The following SLC30A6 variants were observed in gnomAD, a reference collection of about 807,000 sequenced individuals.
The protein encoded by SLC30A6 is zinc transporter 6.
A neutral mutation model predicts 63.0 loss-of-function variants in SLC30A6; 55 were observed. The observed-to-expected ratio is 0.87, with a 90% CI of 0.70 to 1.09. SLC30A6 has a LOEUF of 1.09. Ranked by LOEUF, SLC30A6 falls within the 50% of genes least tolerant of loss-of-function variation. The probability of loss-of-function intolerance (pLI) is 0.00; values close to 1 mark genes in which losing one functional copy is unlikely to be tolerated. For missense variants in SLC30A6, 587 were observed against 549.2 expected (o/e 1.07, Z -0.69); for synonymous variants, 224 against 186.1 (o/e 1.20, Z -1.66).
chr2:32,181,936 T>TTC (rs921954531), intron 4 of SLC30A6, among the ~76,000 whole-genome samples: 6 of 146,406 alleles, frequency 4.1e-5, no homozygotes, highest in African/African-American at 1.5e-4. Context: ...TTCTTTTCTT[T>TTC]TTTTTTTTTT....
At chr2:32,203,145 G>A (rs1427799371) in intron 10 of SLC30A6, 2 of 1,271,668 alleles carry the variant, frequency 1.6e-6, no homozygotes, top group Non-Finnish European at 2.3e-6. Flanking sequence ...CAACGTGGCT[G>A]CCTGTGGTTT....
At chr2:32,210,951 AT>A (rs1685207650) in intron 13 of SLC30A6, among the ~76,000 whole-genome samples, 1 of 152,146 alleles carries the variant, frequency 6.6e-6, no homozygotes, top group Non-Finnish European at 1.5e-5. Flanking sequence ...CAGGTCCAGC[AT>A]GGCCAGTAGG....
At position 32,204,635 on chromosome 2, in the gene SLC30A6, G is replaced by C. The variant is rs911729059; in HGVS notation, c.711G>C (p.Leu237Phe). ...CTGCCTCTGCTATAGCTATTGCCTTGATGACATTTGGCACTATGTATCCCA... is the reference window on the plus strand; with the variant it reads ...CTGCCTCTGCTATAGCTATTGCCTTCATGACATTTGGCACTATGTATCCCA... ...VDTASAIAIA[L>F]MTFGTMYPMS... Residue 237 changes from leucine to phenylalanine, a missense_variant, in exon 11 of 14, where the codon TTG becomes TTC. Transcript: ENST00000282587. 1 of 1,612,750 alleles carries C rather than the reference G, an allele frequency of 6.2e-7. No homozygotes were observed. Among genetic ancestry groups the C allele is most frequent in the Non-Finnish European group, 8.5e-7 (1 of 1,179,310 alleles).
chr2:32,175,304 T>G lies in SLC30A6; in HGVS notation c.176-15T>G, dbSNP rs1453640162. 5.0e-6 allele frequency: 8 copies of G among 1,609,384 alleles called. No homozygotes were observed. The highest frequency in any genetic ancestry group is 6.8e-6 in the Non-Finnish European group (8 of 1,178,228). ...GGTCAGTAATACTTTTAATCATTTT[T>G]TTGTTGTTTTGCAGCTTTAACTGCC... On this transcript the variant is annotated splice_polypyrimidine_tract_variant and intron_variant, in intron 3 of 13. Transcript: ENST00000282587.
intron 1 of SLC30A6, among the ~76,000 whole-genome samples, chr2:32,167,555 C>T (rs1192218516): frequency 6.6e-6 from 1 of 151,936 alleles, no homozygotes; most frequent in Non-Finnish European, 1.5e-5. Flanking sequence ...TCAGAATAAC[C>T]CTTATATATC....
intron 10 of SLC30A6, chr2:32,203,885 G>GC: frequency 1.0e-6 from 1 of 984,934 alleles, no homozygotes; most frequent in South Asian, 1.3e-5. Flanking sequence ...CGATCTGGCA[G>GC]CCGGTCAGTT....
intron 13 of SLC30A6, among the ~76,000 whole-genome samples, chr2:32,215,540 T>C (rs996953582): frequency 6.8e-6 from 1 of 147,474 alleles, no homozygotes; most frequent in African/African-American, 2.5e-5. Flanking sequence ...TTTAAGTTCT[T>C]ATTAGGCAAA....
At position 32,193,933 on chromosome 2, in the gene SLC30A6, T is replaced by C; in HGVS notation, c.446T>C (p.Leu149Pro). ...ACTTTTGTGGCTCTTTGTTTCAACC[T>C]GTTCACGATGCTTTCTATTCGGAAT... is the stretch of plus-strand genomic sequence containing the variant. ...VGTFVALCFN[L>P]FTMLSIRNKP... Residue 149 changes from leucine to proline, a missense_variant, in exon 8 of 14, where the codon CTG (leucine) becomes CCG (proline). Transcript: ENST00000282587. 6.2e-7 allele frequency: 1 copy of C among 1,613,704 alleles called. No individual in the cohort carries two copies. Among genetic ancestry groups the C allele is most frequent in the Non-Finnish European group, 8.5e-7 (1 of 1,179,792 alleles).
intron 13 of SLC30A6, among the ~76,000 whole-genome samples, chr2:32,211,740 C>A (rs1685273255): frequency 6.6e-6 from 1 of 152,134 alleles, no homozygotes; most frequent in African/African-American, 2.4e-5. Flanking sequence ...GCCTCAGCCT[C>A]CCGAGTAGCT....
chr2:32,209,668 T>C (rs1685084822), intron 13 of SLC30A6, 107 bp downstream of exon 13: 3 of 876,494 alleles, frequency 3.4e-6, no homozygotes, highest in South Asian at 1.8e-5. Context: ...CTTTGATTCC[T>C]AGTTATGTTA....
intron 13 of SLC30A6, among the ~76,000 whole-genome samples, chr2:32,219,913 T>A (rs1251092135): frequency 6.6e-6 from 1 of 152,210 alleles, no homozygotes; most frequent in Admixed American, 6.5e-5. Flanking sequence ...AATACCTACC[T>A]TTTCGGCTCT....
chr2:32,183,032 C>A (rs1682473827), intron 4 of SLC30A6, among the ~76,000 whole-genome samples: 1 of 151,654 alleles, frequency 6.6e-6, no homozygotes, highest in African/African-American at 2.4e-5. Context: ...ACTAAAAATA[C>A]AAAAATTAGC....
At chr2:32,175,436 C>A in intron 4 of SLC30A6, 75 bp downstream of exon 4, 1 of 1,343,472 alleles carries the variant, frequency 7.4e-7, no homozygotes, top group South Asian at 1.2e-5. Flanking sequence ...CCATACAATT[C>A]AGCAATAAAA....
At chr2:32,203,268 GT>G (rs1684455465) in intron 10 of SLC30A6, 1 of 967,112 alleles carries the variant, frequency 1.0e-6, no homozygotes, top group African/African-American at 1.6e-5. Flanking sequence ...ATTTGTATAT[GT>G]TTTTATCAAC....
At chr2:32,201,876 C>T in intron 10 of SLC30A6, 3 of 1,446,986 alleles carry the variant, frequency 2.1e-6, no homozygotes, top group Non-Finnish European at 1.9e-6. Context: ...TTACAGATTA[C>T]CTGGATGCTC....
At chr2:32,207,088 A>G (rs943370885) in intron 12 of SLC30A6, among the ~76,000 whole-genome samples, 155 bp downstream of exon 12, 1 of 152,244 alleles carries the variant, frequency 6.6e-6, no homozygotes. Context: ...TATAGTGGCA[A>G]ACGTGGAAAA....
At chr2:32,211,967 A>G (rs1301574361) in intron 13 of SLC30A6, among the ~76,000 whole-genome samples, 1 of 152,084 alleles carries the variant, frequency 6.6e-6, no homozygotes, top group Non-Finnish European at 1.5e-5. Context: ...ATTTTTTAAA[A>G]CATCTAATTG....
chr2:32,191,911 G>T (rs1683362267), intron 5 of SLC30A6, among the ~76,000 whole-genome samples: 1 of 152,100 alleles, frequency 6.6e-6, no homozygotes, highest in Non-Finnish European at 1.5e-5. Context: ...AAGGGGTTGG[G>T]AGGTTTAGAT....
intron 1 of SLC30A6, among the ~76,000 whole-genome samples, chr2:32,168,880 C>A (rs6717209): frequency 0.5 from 75,902 of 151,890 alleles, 19,205 homozygotes; most frequent in East Asian, 0.63. Context: ...ATAGCAATGG[C>A]GAGCCAATAT....
Sources: allele counts gnomAD v4.1 joint callset (sites outside exome capture counted in the v4.1 genomes callset), GRCh38; gene constraint gnomAD v4.1.1; transcripts MANE v1.5; gene names NCBI Gene and HGNC (gene_info 2026-07-23, HGNC 2026-07-21).